Variants in FXR2 observed in about 807,000 individuals in gnomAD.
FXR2 encodes the protein RNA-binding protein FXR2.
FXR2 carries 9 observed loss-of-function variants against 87.3 expected under a neutral mutation model. That is an observed-to-expected ratio of 0.10 (90% CI 0.06 to 0.18). The LOEUF (loss-of-function observed/expected upper bound fraction) is 0.18. FXR2 is among the 10% of genes least tolerant of loss of function. The pLI is 1.00. For synonymous variants in FXR2, 331 were observed against 328.3 expected, an observed-to-expected ratio of 1.01 and a Z score of -0.09; for missense variants, 661 against 893.6, an observed-to-expected ratio of 0.74 and a Z score of 3.32.
Position 7,607,884 on chromosome 17 carries a change from C to T in FXR2, c.82-1735G>A, listed in dbSNP as rs572057633. On this transcript the variant is annotated intron_variant, in intron 1 of 16. Transcript: ENST00000250113. The stretch of plus-strand genomic sequence containing the variant: ...AACCTTGGCTCACCGCAACCTCCGC[C>T]TCCCAGGTTCAAGCAATTCTGCCTC... Among the ~76,000 whole-genome samples the T allele has an allele frequency of 2.0e-5, 3 of 152,280 alleles. No homozygotes were observed. In the South Asian group the frequency reaches 6.2e-4, roughly 32 times the overall value.
intron 7 of FXR2, among the ~76,000 whole-genome samples, chr17:7,597,483 C>T (rs1005659168): frequency 2.2e-3 from 321 of 145,800 alleles, no homozygotes; most frequent in African/African-American, 7.6e-3. Context: ...GCTGGGTTTT[C>T]TTTTTTTTTT....
rs1320272348 is a variant in FXR2 at position 7,595,303 on chromosome 17, A to G, written c.831+521T>C. Among the ~76,000 whole-genome samples the G allele has an allele frequency of 6.6e-6, 1 of 151,700 alleles. No individual in the cohort carries two copies. Among genetic ancestry groups the G allele is most frequent in the Non-Finnish European group, 1.5e-5 (1 of 67,924 alleles). The stretch of plus-strand genomic sequence containing the variant: ...TCTATTTTTTTGATTTTTTGGTCTC[A>G]CTCTATTGACTATGTTGCCCAGGTT... On this transcript the variant is annotated intron_variant, in intron 8 of 16. Coordinates refer to ENST00000250113, the MANE Select transcript of FXR2 (RefSeq NM_004860.4). The surrounding 1 kb of genome is among the most constrained non-coding windows in gnomAD (Gnocchi z 4.7).
Position 7,593,464 on chromosome 17 carries a change from T to C in FXR2, c.1269A>G (p.Arg423=). The stretch of plus-strand genomic sequence containing the variant: ...GGCCCCCATAGCTGCCCCCATAGGT[T>C]CGAGTCGCATGGAGGGAGGAGGAGG... ...ESSSSSLHAT[R]TYGGSYGGRG... is the part of the protein sequence containing the mutation. Residue 423 remains arginine (R), a synonymous_variant, in exon 12 of 17, where the codon CGA becomes CGG. Coordinates refer to ENST00000250113, the MANE Select transcript of FXR2 (RefSeq NM_004860.4). This position sits in a 1 kb window ranked among gnomAD's most constrained non-coding sequence, Gnocchi z 6.1. The C allele has an allele frequency of 6.3e-7, 1 of 1,590,210 alleles. No individual in the cohort carries two copies.
rs779756208 is a variant in FXR2, at chr17:7,592,312, C to T, written c.1868G>A (p.Arg623His). Residue 623 changes from arginine to histidine, a missense_variant, in exon 16 of 17, where the codon CGC (arginine) becomes CAC (histidine). By Grantham distance (29) the Arg-to-His change is conservative. This residue lies in a region of FXR2 where 409 missense variants were observed against 432.0 expected (regional missense o/e 0.95). Coordinates refer to ENST00000250113, the MANE Select transcript of FXR2 (RefSeq NM_004860.4). The surrounding 1 kb of genome is among the most constrained non-coding windows in gnomAD (Gnocchi z 4.8). ...DYISRAESQS[R>H]QRPPLERTKP... The stretch of plus-strand genomic sequence containing the variant: ...AGTGCGTTCCAGGGGTGGCCTCTGG[C>T]GGCTCTGAGACTCTGCTCGTGAGAT... 1.9e-6 allele frequency: 3 copies of T among 1,613,456 alleles called. No individual in the cohort carries two copies. Among genetic ancestry groups the T allele is most frequent in the South Asian group, 1.1e-5 (1 of 91,074 alleles).
rs1362633744 is a variant in FXR2 at position 7,593,029 on chromosome 17, C to A, written c.1483G>T (p.Ala495Ser). The A allele has an allele frequency of 1.8e-5, 28 of 1,576,500 alleles. No homozygotes were observed. Among genetic ancestry groups the A allele is most frequent in the Non-Finnish European group, 2.2e-5 (26 of 1,164,356 alleles). The change falls in exon 13 of 17, where the codon GCC becomes TCC. Residue 495 changes from alanine to serine, a missense_variant. This residue lies in a region of FXR2 where 409 missense variants were observed against 432.0 expected (regional missense o/e 0.95). Coordinates refer to ENST00000250113, the MANE Select transcript of FXR2 (RefSeq NM_004860.4). The surrounding 1 kb of genome is among the most constrained non-coding windows in gnomAD (Gnocchi z 6.1). ...TTGTATCTCGAAGTGGGCCGGGGGG[C>A]AGGTGGGGGTCCCCTACCCCGGCCC... Reference protein sequence around the residue: ...TGGRGRGPPPAPRPTSRYNSS... With the variant: ...TGGRGRGPPPSPRPTSRYNSS...
At position 7,614,622 on chromosome 17, in the gene FXR2, G is replaced by A. The variant is rs917949329; in HGVS notation, c.-90C>T. On this transcript the variant is annotated 5_prime_UTR_variant, in exon 1 of 17. Coordinates refer to ENST00000250113, the MANE Select transcript of FXR2 (RefSeq NM_004860.4). ...CCAGGCCCCCGGCGTCTCCCCGGAGGAGGAGCCGGAGGGGGAGCCGCGGGG... is the reference window on the plus strand; with the variant it reads ...CCAGGCCCCCGGCGTCTCCCCGGAGAAGGAGCCGGAGGGGGAGCCGCGGGG... The A allele has an allele frequency of 1.4e-5, 10 of 738,304 alleles. No homozygotes were observed. Among genetic ancestry groups the A allele is most frequent in the Non-Finnish European group, 1.9e-5 (10 of 536,992 alleles). The allele number at this position is 738,304 out of a possible 1,614,324, so 45.7% of individuals were successfully genotyped here.
At chr17:7,598,720 A>G (rs1359874218) in intron 7 of FXR2, among the ~76,000 whole-genome samples, 1 of 151,926 alleles carries the variant, frequency 6.6e-6, no homozygotes, top group Non-Finnish European at 1.5e-5. Context: ...AACAACAACA[A>G]AAATTAGGCC....
Position 7,602,933 on chromosome 17 carries a change from G to A in FXR2, c.519C>T (p.Ile173=), listed in dbSNP as rs763314697. 1 of 1,549,860 alleles carries A rather than the reference G, an allele frequency of 6.5e-7. No homozygotes were observed. Among genetic ancestry groups the A allele is most frequent in the Non-Finnish European group, 8.9e-7 (1 of 1,122,526 alleles). The change falls in exon 6 of 17, where the codon ATC becomes ATT. Residue 173 remains isoleucine (I), a synonymous_variant. Coordinates refer to ENST00000250113, the MANE Select transcript of FXR2 (RefSeq NM_004860.4). ...ALGANCIFLN[I]TNSELFILST... ...CCAGAATGAAGAGCTCACTGTTTGT[G>A]ATGTTGAGAAAGATGCAGTTGGCTC...
Position 7,595,932 on chromosome 17 carries a change from T to G in FXR2, c.723A>C (p.Gly241=). The part of the protein sequence containing the change: ...EEFTVREDLM[G]LAIGTHGANI... The stretch of plus-strand genomic sequence containing the variant: ...TGGCACCGTGAGTCCCAATTGCCAG[T>G]CCCATCAGGTCCTCTCGCACTGTGA... Residue 241 remains glycine (G), a synonymous_variant, in exon 8 of 17, where the codon GGA becomes GGC. Coordinates refer to ENST00000250113, the MANE Select transcript of FXR2 (RefSeq NM_004860.4). This position sits in a 1 kb window ranked among gnomAD's most constrained non-coding sequence, Gnocchi z 4.7. The G allele has an allele frequency of 6.2e-7, 1 of 1,613,562 alleles. No individual in the cohort carries two copies. Among genetic ancestry groups the G allele is most frequent in the Non-Finnish European group, 8.5e-7 (1 of 1,179,592 alleles).
chr17:7,596,064 A>G (rs858526), intron 7 of FXR2, 70 bp from the exon 8 acceptor site: 659,857 of 1,183,930 alleles, frequency 0.56, 189,137 homozygotes, highest in South Asian at 0.65. Flanking sequence ...GACCCTTTGC[A>G]TAACTTAAAT....
At position 7,591,792 on chromosome 17, in the gene FXR2, A is replaced by G; in HGVS notation, c.*38T>C. On this transcript the variant is annotated 3_prime_UTR_variant, in exon 17 of 17. Coordinates refer to ENST00000250113, the MANE Select transcript of FXR2 (RefSeq NM_004860.4). The surrounding 1 kb of genome is among the most constrained non-coding windows in gnomAD (Gnocchi z 4.0). ...TGTGAGGGCCATGGTGTTGGGCAGC[A>G]AGCGAGATGGAGAAGGGAGGGGTGC... 9.3e-7 allele frequency: 1 copy of G among 1,079,056 alleles called. No homozygotes were observed. The highest frequency in any genetic ancestry group is 1.4e-6 in the Non-Finnish European group (1 of 692,902). The allele number at this position is 1,079,056 out of a possible 1,614,324, so 66.8% of individuals were successfully genotyped here.
At position 7,595,844 on chromosome 17, in the gene FXR2, T is replaced by C; in HGVS notation, c.811A>G (p.Thr271Ala). The C allele has an allele frequency of 6.2e-7, 1 of 1,613,868 alleles. No individual in the cohort carries two copies. Among genetic ancestry groups the C allele is most frequent in the Non-Finnish European group, 8.5e-7 (1 of 1,179,828 alleles). The change falls in exon 8 of 17, where the codon ACT (threonine) becomes GCT (alanine). Residue 271 changes from threonine to alanine, a missense_variant. By Grantham distance (58) the Thr-to-Ala change is moderately conservative (BLOSUM62 0). Transcript: ENST00000250113. The surrounding 1 kb of genome is among the most constrained non-coding windows in gnomAD (Gnocchi z 4.7). ...TAIELGEETC[T>A]FRIYGETPEA... ...CTGACCTCCCCATAGATGCGGAAAG[T>C]GCAGGTCTCTTCACCCAACTCAATG...
At chr17:7,601,851 C>T (rs1426577055) in intron 6 of FXR2, among the ~76,000 whole-genome samples, 10 of 151,728 alleles carry the variant, frequency 6.6e-5, no homozygotes, top group African/African-American at 1.7e-4. Context: ...CGCTTGAACC[C>T]GGGAGTCGGA....
At chr17:7,604,135 A>T in intron 3 of FXR2, 55 bp from the exon 4 acceptor site, 1 of 1,375,596 alleles carries the variant, frequency 7.3e-7, no homozygotes, top group Non-Finnish European at 1.0e-6. Flanking sequence ...AAGCATCAAG[A>T]AAGGGATGAG....
Position 7,614,664 on chromosome 17 carries a change from G to T in FXR2, c.-132C>A. 1 of 413,812 alleles carries T rather than the reference G, an allele frequency of 2.4e-6. No homozygotes were observed. Among genetic ancestry groups the T allele is most frequent in the East Asian group, 4.2e-5 (1 of 23,584 alleles). 25.6% of individuals were successfully genotyped at this position (413,812 alleles called of 1,614,324 possible). ...GCCGCGGGGGGCGGGAGCCGGGCCG[G>T]CCCCACGGCGGCCCTGCCACAGCCA... On this transcript the variant is annotated 5_prime_UTR_variant, in exon 1 of 17. Transcript: ENST00000250113.
chr17:7,593,190 C>A lies in FXR2; in HGVS notation c.1331-9G>T. 1 of 1,511,894 alleles carries A rather than the reference C, an allele frequency of 6.6e-7. No homozygotes were observed. Among genetic ancestry groups the A allele is most frequent in the Non-Finnish European group, 8.8e-7 (1 of 1,130,480 alleles). 93.7% of individuals were successfully genotyped at this position (1,511,894 alleles called of 1,614,324 possible). On this transcript the variant is annotated splice_polypyrimidine_tract_variant and intron_variant, in intron 12 of 16. Transcript: ENST00000250113. The surrounding 1 kb of genome is among the most constrained non-coding windows in gnomAD (Gnocchi z 6.1). ...CACATCTGAGCTGGGGCCTGAAGAA[C>A]ACAATGGGATTTATTCACGGCCATT...
chr17:7,596,120 G>T, intron 7 of FXR2, 126 bp from the exon 8 acceptor site: 1 of 741,756 alleles, frequency 1.3e-6, no homozygotes, highest in Non-Finnish European at 2.3e-6. Context: ...CCACTCTGGA[G>T]TCCGCGGACC....
chr17:7,613,969 T>C (rs1341433969), intron 1 of FXR2: 1 of 449,844 alleles, frequency 2.2e-6, no homozygotes, highest in Admixed American at 2.4e-5. Flanking sequence ...GGGGTGAGTG[T>C]TCCAGAGCCA....
chr17:7,597,904 A>G (rs1314393499), intron 7 of FXR2, among the ~76,000 whole-genome samples: 1 of 150,694 alleles, frequency 6.6e-6, no homozygotes, highest in South Asian at 2.1e-4. Flanking sequence ...AAAAACACAC[A>G]TCACTGGAGA....
Sources: gnomAD v4.1 joint callset for allele counts (sites outside exome capture counted in the v4.1 genomes callset) on GRCh38, gnomAD v4.1.1 for gene constraint, gnomAD v4.1.1 regional missense constraint, Gnocchi (gnomAD v3.1) non-coding constraint, MANE v1.5 for transcripts, NCBI Gene and HGNC (gene_info 2026-07-23, HGNC 2026-07-21) for gene names.